Variants in TNS1 observed in about 807,000 individuals in gnomAD.
TNS1 encodes the protein tensin-1.
A neutral mutation model predicts 168.6 loss-of-function variants in TNS1; 62 were observed. The observed-to-expected ratio is 0.37, with a 90% CI of 0.30 to 0.45. TNS1 has a LOEUF of 0.45. Ranked by LOEUF, TNS1 falls within the 20% of genes least tolerant of loss-of-function variation. TNS1 has a pLI of 1.00. For synonymous variants in TNS1, 934 were observed against 933.2 expected, an observed-to-expected ratio of 1.00 and a Z score of -0.02; for missense variants, 2,240 against 2,339.4, an observed-to-expected ratio of 0.96 and a Z score of 0.88.
At chr2:217,964,645 G>A (rs1364641288) in intron 3 of TNS1, among the ~76,000 whole-genome samples, 6 of 152,218 alleles carry the variant, frequency 3.9e-5, no homozygotes, top group African/African-American at 1.4e-4. Context: ...TCAAGCCAGT[G>A]TGAGTTCTGT....
Position 217,885,530 on chromosome 2 carries a change from C to T in TNS1, c.1116+214G>A, listed in dbSNP as rs180846373. On this transcript the variant is annotated intron_variant, in intron 15 of 32. Transcript: ENST00000682258. ...TAACAGCTCACGCTGAGTGATATTTCCCTGGAGATGCTCCAGAACAACAGC... is the reference window on the plus strand; with the variant it reads ...TAACAGCTCACGCTGAGTGATATTTTCCTGGAGATGCTCCAGAACAACAGC... Among the ~76,000 whole-genome samples, 21 of 152,342 alleles carry T rather than the reference C, an allele frequency of 1.4e-4. No homozygotes were observed. In the East Asian group the frequency reaches 3.1e-3, roughly 22 times the overall value.
chr2:217,990,964 G>A lies in TNS1; in HGVS notation c.126C>T (p.Thr42=), dbSNP rs1278959397. 1.3e-5 allele frequency: 9 copies of A among 684,906 alleles called. No homozygotes were observed. The Middle Eastern group carries it at 1.2e-3, about 90-fold the overall frequency. 42.4% of individuals were successfully genotyped at this position (684,906 alleles called of 1,614,324 possible). A position where few individuals can be genotyped will look rare whatever the true frequency, so the allele number is the denominator to read the frequency against. ...CACCTTTGCAGGTGCAGCCTTCCTG[G>A]GTGATGACCTGGCGGCAGATCCCAC... ...KPCGICRQVI[T]QEGCTCKVCS... Residue 42 remains threonine, a synonymous_variant, in exon 2 of 33, where the codon ACC becomes ACT. Transcript: ENST00000682258.
chr2:217,958,960 A>G (rs927717010), intron 3 of TNS1, among the ~76,000 whole-genome samples: 2 of 152,238 alleles, frequency 1.3e-5, no homozygotes, highest in Non-Finnish European at 2.9e-5. Flanking sequence ...ATGGCAGCCC[A>G]GGCCCCAGGC....
chr2:217,849,977 A>T, intron 18 of TNS1: 1 of 985,394 alleles, frequency 1.0e-6, no homozygotes. Flanking sequence ...AACCATTCAG[A>T]GATACAATGT....
chr2:217,994,441 G>A (rs191805782), intron 1 of TNS1, among the ~76,000 whole-genome samples: 15 of 152,166 alleles, frequency 9.9e-5, no homozygotes, highest in East Asian at 5.8e-4. Flanking sequence ...CTCCTGGTCC[G>A]ACTCTGGCAA....
At position 217,802,488 on chromosome 2, in the gene TNS1, G is replaced by A. The variant is rs536543845; in HGVS notation, c.*1971C>T. 1.3e-5 allele frequency: 2 copies of A among 152,402 alleles called. No homozygotes were observed. The highest frequency in any genetic ancestry group is 3.9e-4 in the East Asian group (2 of 5,174). The allele number at this position is 152,402 out of a possible 1,614,324, so 9.4% of individuals were successfully genotyped here. A position where few individuals can be genotyped will look rare whatever the true frequency, so the allele number is the denominator to read the frequency against. ...TCACACACTCGCTCAGGCCTGCAGA[G>A]TCAGGGACAGCTCCCCACACATCCT... is the stretch of plus-strand genomic sequence containing the variant. On this transcript the variant is annotated 3_prime_UTR_variant, in exon 33 of 33. Coordinates refer to ENST00000682258, the MANE Select transcript of TNS1 (RefSeq NM_001387777.1).
At chr2:217,913,417 A>G (rs961835473) in intron 4 of TNS1, among the ~76,000 whole-genome samples, 1 of 152,030 alleles carries the variant, frequency 6.6e-6, no homozygotes, top group African/African-American at 2.4e-5. Flanking sequence ...AGGTTGGAAT[A>G]TTTTGTGTTC....
intron 3 of TNS1, among the ~76,000 whole-genome samples, chr2:217,939,023 G>A (rs1956777026): frequency 6.6e-6 from 1 of 152,054 alleles, no homozygotes; most frequent in African/African-American, 2.4e-5. Context: ...AAGAGAGAGA[G>A]AACTCCATCA....
chr2:217,841,636 G>A (rs1035496140), intron 19 of TNS1, among the ~76,000 whole-genome samples: 3 of 152,090 alleles, frequency 2.0e-5, no homozygotes, highest in Non-Finnish European at 4.4e-5. Context: ...CAGGGTGGAA[G>A]CAGAGGTGCC....
chr2:217,949,167 G>A (rs571620893), intron 3 of TNS1, among the ~76,000 whole-genome samples: 20 of 152,334 alleles, frequency 1.3e-4, no homozygotes, highest in African/African-American at 4.3e-4. Context: ...GGTGACCAGA[G>A]GAAATTCTCA....
intron 19 of TNS1, chr2:217,842,137 C>A: frequency 1.4e-6 from 1 of 702,894 alleles, no homozygotes; most frequent in South Asian, 1.5e-5. Flanking sequence ...TGGGAGGTTC[C>A]AGGACTCCAT....
At position 217,892,944 on chromosome 2, in the gene TNS1, T is replaced by G; in HGVS notation, c.782+4A>C. The G allele has an allele frequency of 6.2e-7, 1 of 1,614,104 alleles. No individual in the cohort carries two copies. ...GAGGATGGGAGGCTCCAGGCCCCTCTTACCTGGCAGAAATGTTGCTGTAGT... is the reference window on the plus strand; with the variant it reads ...GAGGATGGGAGGCTCCAGGCCCCTCGTACCTGGCAGAAATGTTGCTGTAGT... On this transcript the variant is annotated splice_donor_region_variant and intron_variant, in intron 11 of 32. Coordinates refer to ENST00000682258, the MANE Select transcript of TNS1 (RefSeq NM_001387777.1).
At position 217,888,756 on chromosome 2, in the gene TNS1, A is replaced by G. The variant is rs181279361; in HGVS notation, c.867-2110T>C. On this transcript the variant is annotated intron_variant, in intron 12 of 32. Coordinates refer to ENST00000682258, the MANE Select transcript of TNS1 (RefSeq NM_001387777.1). ...TTTCACCTTCCGCCATGATTGTGAG[A>G]CCTCCCCAGCCACGTGGAACTGTGA... Among the ~76,000 whole-genome samples, 96 of 151,786 alleles carry G rather than the reference A, an allele frequency of 6.3e-4. No individual in the cohort carries two copies. The East Asian group carries it at 8.7e-3, about 14-fold the overall frequency.
chr2:217,905,018 A>G (rs971785890), intron 6 of TNS1, among the ~76,000 whole-genome samples: 3 of 152,178 alleles, frequency 2.0e-5, no homozygotes, highest in African/African-American at 7.2e-5. Flanking sequence ...CTCATCTATA[A>G]AGTGGATTCA....
At chr2:217,902,481 T>C (rs530284987) in intron 6 of TNS1, among the ~76,000 whole-genome samples, 3 of 152,126 alleles carry the variant, frequency 2.0e-5, no homozygotes, top group South Asian at 4.2e-4. Flanking sequence ...CAGGGGGAAC[T>C]GGGGAACCAA....
Position 217,804,256 on chromosome 2 carries a change from T to TTCTCTCTCTCTCTC in TNS1, c.*189_*202dup, listed in dbSNP as rs71403015. On this transcript the variant is annotated 3_prime_UTR_variant, in exon 33 of 33. Coordinates refer to ENST00000682258, the MANE Select transcript of TNS1 (RefSeq NM_001387777.1). The stretch of plus-strand genomic sequence containing the variant: ...GAATCCAAGTTCTTCTCCTCCATCT[T>TTCTCTCTCTCTCTC]TCTCTCTCTCTCTCTCTCTCTCTCT... The TTCTCTCTCTCTCTC allele has an allele frequency of 4.0e-4, 165 of 416,936 alleles. No individual in the cohort carries two copies. Among genetic ancestry groups the TTCTCTCTCTCTCTC allele is most frequent in the African/African-American group, 9.9e-4 (44 of 44,282 alleles). 25.8% of individuals were successfully genotyped at this position (416,936 alleles called of 1,614,324 possible).
chr2:218,022,477 C>T (rs1386559215), intron 1 of TNS1, among the ~76,000 whole-genome samples: 1 of 152,160 alleles, frequency 6.6e-6, no homozygotes, highest in Non-Finnish European at 1.5e-5. Flanking sequence ...GGGACGTGGA[C>T]ACGCACACAC....
chr2:218,014,921 A>AGGC (rs1958744051), upstream of TNS1, among the ~76,000 whole-genome samples: 26 of 76,310 alleles, frequency 3.4e-4, no homozygotes, highest in African/African-American at 1.1e-3. Flanking sequence ...GGAAGGAAGG[A>AGGC]AGGCAGGCAG....
At chr2:217,937,876 C>T (rs184145751) in intron 3 of TNS1, among the ~76,000 whole-genome samples, 5 of 152,266 alleles carry the variant, frequency 3.3e-5, no homozygotes, top group East Asian at 1.9e-4. Flanking sequence ...CCCCTCTTTC[C>T]GCTTCCCCTG....
Sources: gnomAD v4.1 joint callset for allele counts (sites outside exome capture counted in the v4.1 genomes callset) on GRCh38, gnomAD v4.1.1 for gene constraint, MANE v1.5 for transcripts, NCBI Gene and HGNC (gene_info 2026-07-23, HGNC 2026-07-21) for gene names.